MYO1D: variants seen among roughly 807,000 people sequenced by gnomAD.
MYO1D encodes the protein myosin ID, also known as unconventional myosin-Id.
A neutral mutation model predicts 122.0 loss-of-function variants in MYO1D; 83 were observed. The observed-to-expected ratio is 0.68, with a 90% CI of 0.57 to 0.82. MYO1D has a LOEUF of 0.82. Among genes scored for constraint, MYO1D ranks in the 40% least tolerant of loss-of-function variants. The pLI is 0.00. For synonymous variants in MYO1D, 464 were observed against 446.9 expected (o/e 1.04, Z -0.48); for missense variants, 1,157 against 1,269.5 (o/e 0.91, Z 1.35).
intron 16 of MYO1D, among the ~76,000 whole-genome samples, chr17:32,688,228 A>G (rs921499980): frequency 3.3e-5 from 5 of 152,118 alleles, no homozygotes; most frequent in African/African-American, 1.2e-4. Flanking sequence ...CCTTGAATCA[A>G]CTCCTACTTG....
intron 21 of MYO1D, among the ~76,000 whole-genome samples, chr17:32,559,876 C>T (rs1197803763): frequency 6.6e-6 from 1 of 152,180 alleles, no homozygotes; most frequent in Non-Finnish European, 1.5e-5. Context: ...TTTCTTGACT[C>T]TTCAGTGTCA....
At chr17:32,726,709 T>C (rs935279236) in intron 14 of MYO1D, among the ~76,000 whole-genome samples, 2 of 149,290 alleles carry the variant, frequency 1.3e-5, no homozygotes, top group Admixed American at 1.3e-4. Context: ...CTATATCTAA[T>C]ATAATAAATA....
intron 1 of MYO1D, among the ~76,000 whole-genome samples, chr17:32,851,549 GC>G (rs2090989179): frequency 6.6e-6 from 1 of 152,078 alleles, no homozygotes; most frequent in South Asian, 2.1e-4. Flanking sequence ...TTCTACCAAG[GC>G]TTCCCATCAC....
At chr17:32,696,819 G>T (rs2089179398) in intron 16 of MYO1D, among the ~76,000 whole-genome samples, 1 of 152,130 alleles carries the variant, frequency 6.6e-6, no homozygotes, top group South Asian at 2.1e-4. Flanking sequence ...GAATATTTTT[G>T]TAGAAAACTT....
chr17:32,569,798 A>T (rs2087205761), intron 21 of MYO1D, among the ~76,000 whole-genome samples: 1 of 152,220 alleles, frequency 6.6e-6, no homozygotes, highest in African/African-American at 2.4e-5. Flanking sequence ...TTTAGCACGT[A>T]TAACTTGAAT....
intron 1 of MYO1D, among the ~76,000 whole-genome samples, chr17:32,852,064 T>G (rs2090994109): frequency 6.6e-6 from 1 of 152,244 alleles, no homozygotes. Flanking sequence ...AACCTTCAAA[T>G]GTTAGAACTG....
chr17:32,807,599 CT>C (rs2090528020), intron 1 of MYO1D, among the ~76,000 whole-genome samples: 1 of 152,154 alleles, frequency 6.6e-6, no homozygotes, highest in Admixed American at 6.5e-5. Flanking sequence ...CAAGGCCATG[CT>C]ATTAGCTCTG....
At chr17:32,549,624 G>A (rs528306629) in intron 21 of MYO1D, among the ~76,000 whole-genome samples, 91 of 152,294 alleles carry the variant, frequency 6.0e-4, no homozygotes, top group African/African-American at 2.1e-3. Flanking sequence ...TGGATGCCAT[G>A]CTAGGAGGGT....
intron 1 of MYO1D, among the ~76,000 whole-genome samples, chr17:32,837,399 T>G (rs937058550): frequency 2.6e-5 from 4 of 152,088 alleles, no homozygotes; most frequent in Non-Finnish European, 1.5e-5. Context: ...GTGGCTCATG[T>G]TCATTGTTAA....
Position 32,698,488 on chromosome 17 carries a change from G to C in MYO1D, c.2121+13500C>G, listed in dbSNP as rs1240067821. ...AACACTTGATTGGTTTTACAAAGAA[G>C]TCAGAGTGCTTTGTTTAGAAATCAT... On this transcript the variant is annotated intron_variant, in intron 16 of 21. Transcript: ENST00000318217. 3.3e-5 allele frequency among the ~76,000 whole-genome samples: 5 copies of C among 151,114 alleles called. No homozygotes were observed. In the East Asian group the frequency reaches 9.8e-4, roughly 30 times the overall value.
intron 1 of MYO1D, among the ~76,000 whole-genome samples, chr17:32,828,096 G>A (rs1204880444): frequency 6.6e-6 from 1 of 152,230 alleles, no homozygotes; most frequent in Non-Finnish European, 1.5e-5. Flanking sequence ...AAGGATGAGT[G>A]AAAGAAGCTG....
chr17:32,684,476 A>G (rs1482792265), intron 16 of MYO1D, among the ~76,000 whole-genome samples: 1 of 152,212 alleles, frequency 6.6e-6, no homozygotes, highest in African/African-American at 2.4e-5. Flanking sequence ...AGCAATAAAC[A>G]CATTTGCTGA....
chr17:32,524,998 T>C (rs1910296221), intron 21 of MYO1D, among the ~76,000 whole-genome samples: 1 of 152,242 alleles, frequency 6.6e-6, no homozygotes, highest in African/African-American at 2.4e-5. Context: ...CCACCACACC[T>C]AGCCTACATC....
At chr17:32,638,923 G>GGTTCACATCTAT in intron 19 of MYO1D, 88 bp from the exon 20 acceptor site, 1 of 857,966 alleles carries the variant, frequency 1.2e-6, no homozygotes, top group Non-Finnish European at 2.0e-6. Flanking sequence ...TTTAATAGAT[G>GGTTCACATCTAT]TGAACCATGT....
chr17:32,814,033 A>G (rs1470915702), intron 1 of MYO1D, among the ~76,000 whole-genome samples: 1 of 152,204 alleles, frequency 6.6e-6, no homozygotes, highest in Non-Finnish European at 1.5e-5. Context: ...GACCTGCCAG[A>G]GTTCAGGTCA....
At chr17:32,701,358 G>A (rs1647763809) in intron 16 of MYO1D, among the ~76,000 whole-genome samples, 1 of 152,136 alleles carries the variant, frequency 6.6e-6, no homozygotes, top group East Asian at 1.9e-4. Context: ...AGGCTATTTA[G>A]ACTGTTCCAA....
chr17:32,603,804 C>T (rs1260125579), intron 21 of MYO1D, among the ~76,000 whole-genome samples: 4 of 152,096 alleles, frequency 2.6e-5, no homozygotes, highest in Non-Finnish European at 4.4e-5. Context: ...GGATTACAGG[C>T]GTGAGCCACT....
At chr17:32,500,088 T>C (rs1401352824) in intron 21 of MYO1D, among the ~76,000 whole-genome samples, 5 of 152,242 alleles carry the variant, frequency 3.3e-5, no homozygotes, top group African/African-American at 1.2e-4. Context: ...GGAGGCGTCT[T>C]ACACAGCTGC....
chr17:32,714,041 TTTC>T (rs1323566965), intron 15 of MYO1D, among the ~76,000 whole-genome samples: 1 of 151,918 alleles, frequency 6.6e-6, no homozygotes, highest in Non-Finnish European at 1.5e-5. Flanking sequence ...TCATATGTCT[TTTC>T]TTTCTTTTTT....
Sources: allele counts gnomAD v4.1 joint callset (sites outside exome capture counted in the v4.1 genomes callset), GRCh38; gene constraint gnomAD v4.1.1; transcripts MANE v1.5; gene names NCBI Gene and HGNC (gene_info 2026-07-23, HGNC 2026-07-21).